The following DAB1 variants were observed in gnomAD, a reference collection of about 807,000 sequenced individuals.
DAB1 encodes the protein DAB adaptor protein 1.
Under a neutral mutation model 64.6 loss-of-function variants are expected in DAB1, and 15 were observed. The observed-to-expected ratio is 0.23, with a 90% CI of 0.16 to 0.36. The LOEUF (loss-of-function observed/expected upper bound fraction) is 0.36. Among genes scored for constraint, DAB1 ranks in the 10% least tolerant of loss-of-function variants. The probability of loss-of-function intolerance (pLI) is 1.00; values close to 1 mark genes in which losing one functional copy is unlikely to be tolerated. For missense variants in DAB1, 596 were observed against 706.7 expected (o/e 0.84, Z 1.78); for synonymous variants, 235 against 251.9 (o/e 0.93, Z 0.64).
intron 6 of DAB1, among the ~76,000 whole-genome samples, chr1:57,730,914 T>C (rs1647383517): frequency 6.6e-6 from 1 of 152,308 alleles, no homozygotes; most frequent in East Asian, 1.9e-4. Context: ...GAAAATGATA[T>C]GGCAGTTCCT....
chr1:57,700,459 T>C (rs1439417367), intron 6 of DAB1, among the ~76,000 whole-genome samples: 1 of 152,162 alleles, frequency 6.6e-6, no homozygotes, highest in African/African-American at 2.4e-5. Flanking sequence ...GTTCCTTTCA[T>C]CTTTTGCTGT....
At chr1:57,792,672 C>T (rs1650659284) in intron 6 of DAB1, among the ~76,000 whole-genome samples, 1 of 152,150 alleles carries the variant, frequency 6.6e-6, no homozygotes, top group South Asian at 2.1e-4. Context: ...TCTCCTGAAA[C>T]CTTATTAATG....
intron 4 of DAB1, among the ~76,000 whole-genome samples, chr1:58,309,388 A>C (rs1365939050): frequency 6.6e-6 from 1 of 152,170 alleles, no homozygotes; most frequent in Non-Finnish European, 1.5e-5. Flanking sequence ...TGCCACCACA[A>C]ACACATTATA....
intron 5 of DAB1, among the ~76,000 whole-genome samples, chr1:57,958,838 TC>T (rs1645450833): frequency 6.6e-6 from 1 of 152,198 alleles, no homozygotes; most frequent in Non-Finnish European, 1.5e-5. Flanking sequence ...TGTGTCCACA[TC>T]CCTTTTTATA....
intron 5 of DAB1, among the ~76,000 whole-genome samples, chr1:58,112,895 C>G (rs1355940493): frequency 6.6e-6 from 1 of 152,164 alleles, no homozygotes; most frequent in Non-Finnish European, 1.5e-5. Flanking sequence ...ACACTCTTCC[C>G]TGAAGATTTT....
At chr1:58,516,954 G>C (rs942897625) in intron 2 of DAB1, among the ~76,000 whole-genome samples, 3 of 152,148 alleles carry the variant, frequency 2.0e-5, no homozygotes, top group Non-Finnish European at 4.4e-5. Flanking sequence ...CTAGGAAGGA[G>C]AGAATTAGGA....
chr1:57,438,830 A>G (rs77109934), intron 7 of DAB1, among the ~76,000 whole-genome samples: 1 of 152,350 alleles, frequency 6.6e-6, no homozygotes, highest in Non-Finnish European at 1.5e-5. Flanking sequence ...GGGAAATAAA[A>G]GTACCTATAT....
At chr1:57,405,462 CA>C in intron 1 of DAB1, among the ~76,000 whole-genome samples, 1 of 152,312 alleles carries the variant, frequency 6.6e-6, no homozygotes, top group South Asian at 2.1e-4. Flanking sequence ...TTATAAAGAA[CA>C]GGCCAGAATT....
At chr1:57,257,903 T>C (rs1306208276) in intron 2 of DAB1, among the ~76,000 whole-genome samples, 2 of 152,220 alleles carry the variant, frequency 1.3e-5, no homozygotes, top group Non-Finnish European at 2.9e-5. Context: ...AGAACACTTG[T>C]GACTGCATTT....
At chr1:57,265,802 C>A (rs936396552) in intron 2 of DAB1, among the ~76,000 whole-genome samples, 38 of 152,256 alleles carry the variant, frequency 2.5e-4, no homozygotes, top group African/African-American at 8.7e-4. Flanking sequence ...TAGTCCCTTG[C>A]CCCCAGAGAA....
intron 5 of DAB1, among the ~76,000 whole-genome samples, chr1:58,005,881 T>C (rs1646575461): frequency 6.6e-6 from 1 of 152,186 alleles, no homozygotes. Context: ...GCAGGTACAA[T>C]TATTGTTCCT....
intron 7 of DAB1, among the ~76,000 whole-genome samples, chr1:57,069,877 T>C (rs1029397288): frequency 2.0e-5 from 3 of 152,168 alleles, no homozygotes; most frequent in African/African-American, 7.2e-5. Flanking sequence ...AGCCCCAAAC[T>C]CCTTTATCCC....
At chr1:57,546,612 G>T (rs774993059) in intron 7 of DAB1, among the ~76,000 whole-genome samples, 7 of 152,130 alleles carry the variant, frequency 4.6e-5, no homozygotes, top group Non-Finnish European at 7.3e-5. Flanking sequence ...GCTTCATATT[G>T]TTACAGTATT....
At chr1:57,432,944 T>C (rs1685568502) in intron 7 of DAB1, among the ~76,000 whole-genome samples, 1 of 152,160 alleles carries the variant, frequency 6.6e-6, no homozygotes, top group Non-Finnish European at 1.5e-5. Context: ...ACACAGCTGA[T>C]CAGATAGTTG....
intron 12 of DAB1, among the ~76,000 whole-genome samples, chr1:57,011,718 G>A (rs759397329): frequency 5.3e-5 from 8 of 152,166 alleles, no homozygotes; most frequent in South Asian, 2.1e-4. Flanking sequence ...GTTATTGAGC[G>A]CCTTTCATGT....
intron 7 of DAB1, among the ~76,000 whole-genome samples, chr1:57,552,472 G>A (rs377643586): frequency 1.8e-4 from 28 of 152,312 alleles, no homozygotes; most frequent in South Asian, 1.0e-3. Context: ...GAATGGATAG[G>A]CTTCTATTCT....
intron 5 of DAB1, among the ~76,000 whole-genome samples, chr1:58,035,909 T>C (rs1202311447): frequency 5.3e-5 from 8 of 152,352 alleles, no homozygotes; most frequent in African/African-American, 1.9e-4. Flanking sequence ...TGCTTACAGA[T>C]AGACCTTTGG....
chr1:58,430,152 C>A (rs1644856867), intron 3 of DAB1, among the ~76,000 whole-genome samples: 1 of 152,154 alleles, frequency 6.6e-6, no homozygotes, highest in Non-Finnish European at 1.5e-5. Flanking sequence ...AAAGCCAGTG[C>A]AAATTCAACA....
At chr1:57,297,444 T>A (rs1673290644) in intron 1 of DAB1, among the ~76,000 whole-genome samples, 1 of 152,106 alleles carries the variant, frequency 6.6e-6, no homozygotes, top group South Asian at 2.1e-4. Flanking sequence ...AGGGCCAAGA[T>A]ATGTGCACCT....
Sources: gnomAD v4.1 joint callset for allele counts (sites outside exome capture counted in the v4.1 genomes callset) on GRCh38, gnomAD v4.1.1 for gene constraint, MANE v1.5 for transcripts, NCBI Gene and HGNC (gene_info 2026-07-23, HGNC 2026-07-21) for gene names.